The following JAZF1 variants were observed in gnomAD, a reference collection of about 807,000 sequenced individuals.
The protein encoded by JAZF1 is JAZF zinc finger 1.
In JAZF1, 8 loss-of-function variants were observed where a neutral mutation model predicts 26.4. That is an observed-to-expected ratio of 0.30 (90% CI 0.18 to 0.55). The LOEUF is 0.55. JAZF1 is among the 20% of genes least tolerant of loss of function. The pLI is 0.94. For missense variants in JAZF1, 199 were observed against 322.0 expected (o/e 0.62, Z 2.92); for synonymous variants, 126 against 122.3 (o/e 1.03, Z -0.20).
chr7:27,840,920 G>A lies in JAZF1; in HGVS notation c.386-53C>T, dbSNP rs971418473. 4.4e-6 allele frequency: 7 copies of A among 1,583,696 alleles called. No individual in the cohort carries two copies. The African/African-American group carries it at 6.7e-5, about 15-fold the overall frequency. ...GTCAGGAGCGCTCATCTCCCCACAG[G>A]TTCACCCGGCCACTTCCAGGACAGG... On this transcript the variant is annotated intron_variant, in intron 3 of 4. Transcript: ENST00000283928. This position sits in a 1 kb window ranked among gnomAD's most constrained non-coding sequence, Gnocchi z 5.1.
chr7:27,863,456 C>G (rs1481412544), intron 3 of JAZF1, among the ~76,000 whole-genome samples: 1 of 152,206 alleles, frequency 6.6e-6, no homozygotes, highest in Non-Finnish European at 1.5e-5. Flanking sequence ...TCACTTCCCC[C>G]AGGAGGCCTG....
At chr7:27,917,306 C>A (rs771234831) in intron 2 of JAZF1, among the ~76,000 whole-genome samples, 10 of 152,170 alleles carry the variant, frequency 6.6e-5, no homozygotes, top group Non-Finnish European at 1.2e-4. Flanking sequence ...AGGACCTGTT[C>A]CAGCGTGCCT....
intron 2 of JAZF1, among the ~76,000 whole-genome samples, chr7:27,910,957 T>C (rs10278615): frequency 0.25 from 37,530 of 152,154 alleles, 5,052 homozygotes; most frequent in Non-Finnish European, 0.3. Flanking sequence ...AGATTTTCCT[T>C]CTGTTATTGT....
At chr7:27,948,935 C>T (rs1784963564) in intron 2 of JAZF1, among the ~76,000 whole-genome samples, 1 of 152,218 alleles carries the variant, frequency 6.6e-6, no homozygotes, top group Non-Finnish European at 1.5e-5. Flanking sequence ...CCTTAGAAGA[C>T]ATCCATTTTC....
chr7:27,946,559 TTG>T (rs1456133826), intron 2 of JAZF1, among the ~76,000 whole-genome samples: 1 of 152,138 alleles, frequency 6.6e-6, no homozygotes, highest in African/African-American at 2.4e-5. Context: ...ATTCACAGGG[TTG>T]TGAGTGGCTT....
intron 1 of JAZF1, among the ~76,000 whole-genome samples, chr7:28,162,143 A>G (rs898303933): frequency 5.9e-5 from 9 of 152,226 alleles, no homozygotes; most frequent in Non-Finnish European, 7.3e-5. Flanking sequence ...GGTCCAAGGC[A>G]GGAACTTGCT....
At chr7:28,055,316 C>G (rs1783685941) in intron 1 of JAZF1, among the ~76,000 whole-genome samples, 1 of 152,120 alleles carries the variant, frequency 6.6e-6, no homozygotes. Context: ...CCTGATGGCT[C>G]TCCACGGTTT....
chr7:28,001,568 T>C (rs1006287166), intron 1 of JAZF1, among the ~76,000 whole-genome samples: 1 of 151,940 alleles, frequency 6.6e-6, no homozygotes, highest in Non-Finnish European at 1.5e-5. Context: ...AAATGATGAG[T>C]CTGAATAGAA....
intron 1 of JAZF1, among the ~76,000 whole-genome samples, chr7:27,997,498 G>A (rs1245797453): frequency 6.6e-6 from 1 of 152,180 alleles, no homozygotes; most frequent in Non-Finnish European, 1.5e-5. Flanking sequence ...TCTCCCTACA[G>A]TTAAGTGCAT....
At chr7:27,936,050 G>T (rs768815768) in intron 2 of JAZF1, among the ~76,000 whole-genome samples, 2 of 152,196 alleles carry the variant, frequency 1.3e-5, no homozygotes, top group African/African-American at 4.8e-5. Flanking sequence ...ACCTCCCTGG[G>T]AAGTTCGAAA....
chr7:28,127,655 A>G (rs1295810893), intron 1 of JAZF1, among the ~76,000 whole-genome samples: 4 of 152,240 alleles, frequency 2.6e-5, no homozygotes, highest in Non-Finnish European at 4.4e-5. Context: ...CTGCTAATAA[A>G]GACATCCCCA....
rs1033891231 is a variant in JAZF1, at chr7:27,858,389, T to C, written c.386-17522A>G. Among the ~76,000 whole-genome samples the C allele has an allele frequency of 1.5e-4, 23 of 152,170 alleles. 1 individual carries two copies. Among genetic ancestry groups the C allele is most frequent in the Non-Finnish European group, 1.5e-5 (1 of 68,036 alleles). ...ATAATTAGAAAAAACTACTTTAAATTTCATATGGAACCAAAAAAGGGCCCA... is the reference window on the plus strand; with the variant it reads ...ATAATTAGAAAAAACTACTTTAAATCTCATATGGAACCAAAAAAGGGCCCA... On this transcript the variant is annotated intron_variant, in intron 3 of 4. Coordinates refer to ENST00000283928, the MANE Select transcript of JAZF1 (RefSeq NM_175061.4).
At chr7:28,024,298 A>G (rs1482740577) in intron 1 of JAZF1, among the ~76,000 whole-genome samples, 2 of 151,496 alleles carry the variant, frequency 1.3e-5, no homozygotes, top group Non-Finnish European at 2.9e-5. Context: ...CTGTCACAAA[A>G]AGAAAAACAA....
chr7:27,837,090 A>G (rs1782828431), intron 4 of JAZF1, among the ~76,000 whole-genome samples: 1 of 152,164 alleles, frequency 6.6e-6, no homozygotes, highest in South Asian at 2.1e-4. Context: ...GAAACAATCA[A>G]TGTACCTCTC....
chr7:28,144,266 C>T (rs939789663), intron 1 of JAZF1, among the ~76,000 whole-genome samples: 11 of 152,220 alleles, frequency 7.2e-5, no homozygotes, highest in African/African-American at 2.7e-4. Flanking sequence ...ATTAAAGATA[C>T]TGCTGATCTC....
chr7:28,035,902 G>C (rs1382956071), intron 1 of JAZF1, among the ~76,000 whole-genome samples: 3 of 152,090 alleles, frequency 2.0e-5, no homozygotes, highest in Non-Finnish European at 2.9e-5. Context: ...GAAAATAAAG[G>C]AGAAAAATTA....
intron 2 of JAZF1, among the ~76,000 whole-genome samples, chr7:27,907,766 C>T (rs1784288202): frequency 6.6e-6 from 1 of 152,202 alleles, no homozygotes; most frequent in Admixed American, 6.5e-5. Flanking sequence ...TAGGGTTTTT[C>T]TATGCCAGAG....
intron 2 of JAZF1, among the ~76,000 whole-genome samples, chr7:27,924,356 G>A (rs1351642146): frequency 6.6e-6 from 1 of 152,144 alleles, no homozygotes; most frequent in Non-Finnish European, 1.5e-5. Context: ...GATTACAGGC[G>A]TGAGCCAGTG....
At chr7:28,056,102 G>A (rs1434583444) in intron 1 of JAZF1, among the ~76,000 whole-genome samples, 2 of 151,928 alleles carry the variant, frequency 1.3e-5, no homozygotes, top group Admixed American at 1.3e-4. Context: ...CCCAGCTCAG[G>A]TCTTCACAGT....
Sources: gnomAD v4.1 joint callset for allele counts (sites outside exome capture counted in the v4.1 genomes callset) on GRCh38, gnomAD v4.1.1 for gene constraint, Gnocchi (gnomAD v3.1) non-coding constraint, MANE v1.5 for transcripts, NCBI Gene and HGNC (gene_info 2026-07-23, HGNC 2026-07-21) for gene names.